The following MEST variants were observed in gnomAD, a reference collection of about 807,000 sequenced individuals.
MEST encodes mesoderm specific transcript, also known as mesoderm-specific transcript homolog protein.
In MEST, 18 loss-of-function variants were observed where a neutral mutation model predicts 50.9. The observed-to-expected ratio is 0.35, with a 90% CI of 0.24 to 0.52. The LOEUF (loss-of-function observed/expected upper bound fraction) is 0.52, where lower values mean the gene tolerates loss of function less well. Among genes scored for constraint, MEST ranks in the 20% least tolerant of loss-of-function variants. The pLI is 0.94. For synonymous variants in MEST, 130 were observed against 154.1 expected, an observed-to-expected ratio of 0.84 and a Z score of 1.16; for missense variants, 282 against 425.3, an observed-to-expected ratio of 0.66 and a Z score of 2.96.
chr7:130,499,596 A>C (rs1799200040), intron 6 of MEST, among the ~76,000 whole-genome samples: 1 of 152,184 alleles, frequency 6.6e-6, no homozygotes, highest in Non-Finnish European at 1.5e-5. Flanking sequence ...TAATTAGATG[A>C]CAGTTTTAAA....
At chr7:130,499,079 C>G (rs1227381513) in intron 6 of MEST, among the ~76,000 whole-genome samples, 2 of 152,186 alleles carry the variant, frequency 1.3e-5, no homozygotes, top group Non-Finnish European at 2.9e-5. Context: ...CTGCTTAAAG[C>G]CGAAGTTTCC....
At chr7:130,495,343 C>G (rs782444446) in intron 1 of MEST, 25 bp from the exon 2 acceptor site, 1 of 1,583,838 alleles carries the variant, frequency 6.3e-7, no homozygotes, top group Non-Finnish European at 8.6e-7. Flanking sequence ...TGACTGCTTA[C>G]AGTGGGTCTC....
At position 130,503,977 on chromosome 7, in the gene MEST, G is replaced by C. The variant is rs781898807; in HGVS notation, c.871G>C (p.Glu291Gln). The part of the protein sequence containing the change: ...GPLDPVNPYP[E>Q]FLELYRKTLP... ...ATTGGATCCTGTAAATCCCTATCCA[G>C]AGTTTTTGGAGCTGTACAGGTGAGT... The change falls in exon 11 of 12, where the codon GAG (glutamate) becomes CAG (glutamine). Residue 291 changes from glutamate to glutamine, a missense_variant. Transcript: ENST00000223215. 3 of 1,613,292 alleles carry C rather than the reference G, an allele frequency of 1.9e-6. No individual in the cohort carries two copies. The highest frequency in any genetic ancestry group is 3.3e-5 in the Admixed American group (2 of 60,006).
chr7:130,500,179 G>C lies in MEST; in HGVS notation c.576+264G>C. 1.8e-6 allele frequency: 1 copy of C among 556,028 alleles called. No homozygotes were observed. Among genetic ancestry groups the C allele is most frequent in the Non-Finnish European group, 3.1e-6 (1 of 318,164 alleles). The allele number at this position is 556,028 out of a possible 1,614,324, so 34.4% of individuals were successfully genotyped here. A position where few individuals can be genotyped will look rare whatever the true frequency, so the allele number is the denominator to read the frequency against. ...AGCTATGGAAAGATCTGTGTCACAA[G>C]CTTGATGTTTGAACAAATTAGGATC... is the stretch of plus-strand genomic sequence containing the variant. On this transcript the variant is annotated intron_variant, in intron 7 of 11. Transcript: ENST00000223215. This position sits in a 1 kb window ranked among gnomAD's most constrained non-coding sequence, Gnocchi z 5.0.
Position 130,497,048 on chromosome 7 carries a change from T to G in MEST, c.182-108T>G. 1.2e-6 allele frequency: 1 copy of G among 804,206 alleles called. No homozygotes were observed. The highest frequency in any genetic ancestry group is 2.0e-6 in the Non-Finnish European group (1 of 511,658). 49.8% of individuals were successfully genotyped at this position (804,206 alleles called of 1,614,324 possible). ...AATAATTGTGTCATTTTAATGTCAA[T>G]TTGGTCACAGTTGCTTGTTCTTTGT... On this transcript the variant is annotated intron_variant, in intron 2 of 11. Transcript: ENST00000223215. The surrounding 1 kb of genome is among the most constrained non-coding windows in gnomAD (Gnocchi z 4.0).
chr7:130,497,078 G>C lies in MEST; in HGVS notation c.182-78G>C. 8.6e-7 allele frequency: 1 copy of C among 1,164,098 alleles called. No individual in the cohort carries two copies. Among genetic ancestry groups the C allele is most frequent in the South Asian group, 1.4e-5 (1 of 69,044 alleles). The allele number at this position is 1,164,098 out of a possible 1,614,324, so 72.1% of individuals were successfully genotyped here. ...TCACAGTTGCTTGTTCTTTGTATCAGATTACTTAGATTTTAACATCTTCGA... is the reference window on the plus strand; with the variant it reads ...TCACAGTTGCTTGTTCTTTGTATCACATTACTTAGATTTTAACATCTTCGA... On this transcript the variant is annotated intron_variant, in intron 2 of 11. Transcript: ENST00000223215. The surrounding 1 kb of genome is among the most constrained non-coding windows in gnomAD (Gnocchi z 4.0).
chr7:130,497,352 T>C lies in MEST; in HGVS notation c.261+117T>C. On this transcript the variant is annotated intron_variant, in intron 3 of 11. Coordinates refer to ENST00000223215, the MANE Select transcript of MEST (RefSeq NM_002402.4). This position sits in a 1 kb window ranked among gnomAD's most constrained non-coding sequence, Gnocchi z 4.0. ...TGGGAGGATGACCTGAGGTCAGGAG[T>C]TTGAGACCAGCCAGGCCAACATGGC... 1.4e-6 allele frequency: 1 copy of C among 731,138 alleles called. No homozygotes were observed. Among genetic ancestry groups the C allele is most frequent in the Non-Finnish European group, 2.2e-6 (1 of 457,850 alleles). The allele number at this position is 731,138 out of a possible 1,614,324, so 45.3% of individuals were successfully genotyped here.
rs765205 is a variant in MEST, at chr7:130,500,925, C to A, written c.749+35C>A. The A allele has an allele frequency of 0.53, 834,495 of 1,574,952 alleles. 226,299 individuals are homozygous for A. The highest frequency in any genetic ancestry group is 0.61 in the East Asian group (27,022 of 44,618). ...TACCCTTTGCTTTGGTTTCCAGAGA[C>A]GTGTTTTTGTGGAGAGTGGGGATTG... On this transcript the variant is annotated intron_variant, in intron 9 of 11. Coordinates refer to ENST00000223215, the MANE Select transcript of MEST (RefSeq NM_002402.4). This position sits in a 1 kb window ranked among gnomAD's most constrained non-coding sequence, Gnocchi z 5.0.
chr7:130,504,873 TCCC>T, intron 11 of MEST, 63 bp from the exon 12 acceptor site: 1 of 1,230,532 alleles, frequency 8.1e-7, no homozygotes. Flanking sequence ...TACTGGGGCT[TCCC>T]ACTGGCTTAC....
chr7:130,501,657 T>C (rs561970820), intron 9 of MEST, among the ~76,000 whole-genome samples: 1 of 152,242 alleles, frequency 6.6e-6, no homozygotes, highest in African/African-American at 2.4e-5. Context: ...TCCTCTCCAT[T>C]TTATCTGTGG....
chr7:130,500,131 C>A lies in MEST; in HGVS notation c.576+216C>A. ...AAAACCAATCCTAAGAATAAGAGATCAACAAATATTTGGAGAAATTACAGC... is the reference window on the plus strand; with the variant it reads ...AAAACCAATCCTAAGAATAAGAGATAAACAAATATTTGGAGAAATTACAGC... On this transcript the variant is annotated intron_variant, in intron 7 of 11. Coordinates refer to ENST00000223215, the MANE Select transcript of MEST (RefSeq NM_002402.4). The surrounding 1 kb of genome is among the most constrained non-coding windows in gnomAD (Gnocchi z 5.0). 1.8e-6 allele frequency: 1 copy of A among 548,246 alleles called. No individual in the cohort carries two copies. The highest frequency in any genetic ancestry group is 3.2e-6 in the Non-Finnish European group (1 of 314,448). 34.0% of individuals were successfully genotyped at this position (548,246 alleles called of 1,614,324 possible).
chr7:130,502,966 T>G (rs1474000535), intron 10 of MEST, among the ~76,000 whole-genome samples: 4 of 152,218 alleles, frequency 2.6e-5, no homozygotes, highest in Non-Finnish European at 4.4e-5. Context: ...CTGGGTATCC[T>G]TTATTTTACT....
In MEST at chr7:130,499,916, G is replaced by T. The variant is rs1799214030; in HGVS notation, c.576+1G>T. 1 of 1,611,950 alleles carries T rather than the reference G, an allele frequency of 6.2e-7. No individual in the cohort carries two copies. Among genetic ancestry groups the T allele is most frequent in the Non-Finnish European group, 8.5e-7 (1 of 1,178,880 alleles). ...TCACCGTCCACTCCTTCTCCAAAAGGTTGGTACTTCACTGATAGACCTTTA... is the reference window on the plus strand; with the variant it reads ...TCACCGTCCACTCCTTCTCCAAAAGTTTGGTACTTCACTGATAGACCTTTA... On this transcript the variant is annotated splice_donor_variant, in intron 7 of 11. Transcript: ENST00000223215. LOFTEE classifies it high-confidence loss of function.
chr7:130,495,977 A>C (rs1308889414), intron 2 of MEST: 3 of 396,064 alleles, frequency 7.6e-6, no homozygotes, highest in Admixed American at 7.5e-5. Flanking sequence ...CTACTTATCA[A>C]GTAATTACCA....
In MEST at chr7:130,497,820, T is replaced by C; in HGVS notation, c.262-116T>C. On this transcript the variant is annotated intron_variant, in intron 3 of 11. Transcript: ENST00000223215. This position sits in a 1 kb window ranked among gnomAD's most constrained non-coding sequence, Gnocchi z 4.0. ...GGACCTGTGGTAGTTTCATGGCGTT[T>C]TCTCTTTATGGAAGTCTGTTAAGCC... 1 of 873,048 alleles carries C rather than the reference T, an allele frequency of 1.1e-6. No homozygotes were observed. The allele number at this position is 873,048 out of a possible 1,614,324, so 54.1% of individuals were successfully genotyped here.
rs200597618 is a variant in MEST at position 130,500,804 on chromosome 7, T to C, written c.663T>C (p.Phe221=). Residue 221 remains phenylalanine, a synonymous_variant, in exon 9 of 12, where the codon TTT becomes TTC. Transcript: ENST00000223215. The surrounding 1 kb of genome is among the most constrained non-coding windows in gnomAD (Gnocchi z 5.0). Reference sequence around the variant, plus strand: ...ACTCTTTCAGTCTCACCCCAGTCTTTGGGCCGTATACTCGGCCCTCTGAGA... The same window carrying C: ...ACTCTTTCAGTCTCACCCCAGTCTTCGGGCCGTATACTCGGCCCTCTGAGA... The part of the protein sequence containing the change: ...FVFSRGLTPV[F]GPYTRPSESE... 1 of 1,612,110 alleles carries C rather than the reference T, an allele frequency of 6.2e-7. No individual in the cohort carries two copies. The highest frequency in any genetic ancestry group is 1.1e-5 in the South Asian group (1 of 90,664).
In MEST at chr7:130,500,079, C is replaced by A; in HGVS notation, c.576+164C>A. 1.6e-6 allele frequency: 1 copy of A among 630,826 alleles called. No homozygotes were observed. Among genetic ancestry groups the A allele is most frequent in the Non-Finnish European group, 2.7e-6 (1 of 373,078 alleles). The allele number at this position is 630,826 out of a possible 1,614,324, so 39.1% of individuals were successfully genotyped here. A position where few individuals can be genotyped will look rare whatever the true frequency, so the allele number is the denominator to read the frequency against. On this transcript the variant is annotated intron_variant, in intron 7 of 11. Transcript: ENST00000223215. This position sits in a 1 kb window ranked among gnomAD's most constrained non-coding sequence, Gnocchi z 5.0. ...TTTTTCCCTTCTTAGGCAACTAAAG[C>A]AGAGGCAGTGGCCCCTACGTAAACC...
rs915262228 is a variant in MEST, at chr7:130,497,884, T to G, written c.262-52T>G. Reference sequence around the variant, plus strand: ...AGCTCCTGTGCAACTGTAGGTCTGGTGAAAGGGAGGGGCAGGAGCAGAAAG... The same window carrying G: ...AGCTCCTGTGCAACTGTAGGTCTGGGGAAAGGGAGGGGCAGGAGCAGAAAG... On this transcript the variant is annotated intron_variant, in intron 3 of 11. Coordinates refer to ENST00000223215, the MANE Select transcript of MEST (RefSeq NM_002402.4). This position sits in a 1 kb window ranked among gnomAD's most constrained non-coding sequence, Gnocchi z 4.0. 11 of 1,553,178 alleles carry G rather than the reference T, an allele frequency of 7.1e-6. No homozygotes were observed. The highest frequency in any genetic ancestry group is 9.8e-6 in the Non-Finnish European group (11 of 1,124,586).
At position 130,500,616 on chromosome 7, in the gene MEST, C is replaced by T. The variant is rs782112402; in HGVS notation, c.647+84C>T. 6.0e-5 allele frequency: 85 copies of T among 1,408,762 alleles called. No homozygotes were observed. The highest frequency in any genetic ancestry group is 7.5e-5 in the Non-Finnish European group (76 of 1,018,506). 87.3% of individuals were successfully genotyped at this position (1,408,762 alleles called of 1,614,324 possible). A position where few individuals can be genotyped will look rare whatever the true frequency, so the allele number is the denominator to read the frequency against. ...TACAATTCTGGGCCAAATCCTAAGG[C>T]TTGATATTTTAAAGCAAAGGTGTTG... On this transcript the variant is annotated intron_variant, in intron 8 of 11. Coordinates refer to ENST00000223215, the MANE Select transcript of MEST (RefSeq NM_002402.4). This position sits in a 1 kb window ranked among gnomAD's most constrained non-coding sequence, Gnocchi z 5.0.
Sources: gnomAD v4.1 joint callset for allele counts (sites outside exome capture counted in the v4.1 genomes callset) on GRCh38, gnomAD v4.1.1 for gene constraint, Gnocchi (gnomAD v3.1) non-coding constraint, MANE v1.5 for transcripts, NCBI Gene and HGNC (gene_info 2026-07-23, HGNC 2026-07-21) for gene names.